Variants in FARSA observed in about 807,000 individuals in gnomAD.
FARSA encodes phenylalanine--tRNA ligase alpha subunit.
In FARSA, 37 loss-of-function variants were observed where a neutral mutation model predicts 63.2. The ratio of observed to expected loss-of-function variants is 0.59; its 90% CI spans 0.45 to 0.77. FARSA has a LOEUF of 0.77. Among genes scored for constraint, FARSA ranks in the 30% least tolerant of loss-of-function variants. FARSA has a pLI of 0.00. For synonymous variants in FARSA, 312 were observed against 285.1 expected (o/e 1.09, Z -0.95); for missense variants, 618 against 696.6 (o/e 0.89, Z 1.27).
Position 12,924,708 on chromosome 19 carries a change from C to G in FARSA, c.1126G>C (p.Val376Leu), listed in dbSNP as rs140193183. The G allele has an allele frequency of 6.3e-7, 1 of 1,595,298 alleles. No individual in the cohort carries two copies. The highest frequency in any genetic ancestry group is 8.6e-7 in the Non-Finnish European group (1 of 1,167,820). The part of the protein sequence containing the change: ...HLAEFHQIEG[V>L]VADHGLTLGH... Reference sequence around the variant, plus strand: ...AAGGTGAGACCATGATCCGCCACCACGCCCTCGATCTGGTGGAACTCAGCC... The same window carrying G: ...AAGGTGAGACCATGATCCGCCACCAGGCCCTCGATCTGGTGGAACTCAGCC... The change falls in exon 10 of 13, where the codon GTG becomes CTG. Residue 376 changes from valine to leucine, a missense_variant. Transcript: ENST00000314606. This position sits in a 1 kb window ranked among gnomAD's most constrained non-coding sequence, Gnocchi z 6.4.
At chr19:12,929,184 A>G (rs1338140946) in intron 4 of FARSA, among the ~76,000 whole-genome samples, 1 of 152,094 alleles carries the variant, frequency 6.6e-6, no homozygotes, top group African/African-American at 2.4e-5. Context: ...CCCCGGAAAG[A>G]GGGCAGTTTT....
chr19:12,924,745 G>T lies in FARSA; in HGVS notation c.1089C>A (p.Asp363Glu), dbSNP rs147769605. The T allele has an allele frequency of 1.2e-6, 2 of 1,601,314 alleles. No individual in the cohort carries two copies. The highest frequency in any genetic ancestry group is 1.7e-6 in the Non-Finnish European group (2 of 1,171,218). The change falls in exon 10 of 13, where the codon GAC (aspartate) becomes GAA (glutamate). Residue 363 changes from aspartate to glutamate, a missense_variant. Transcript: ENST00000314606. This position sits in a 1 kb window ranked among gnomAD's most constrained non-coding sequence, Gnocchi z 6.4. ...GGTGGAACTCAGCCAGGTGCGTGGC[G>T]TCCAGGGTCTCATTCCGGAATACGC... ...IDRVFRNETL[D>E]ATHLAEFHQI...
intron 7 of FARSA, among the ~76,000 whole-genome samples, chr19:12,927,588 C>T (rs993842235): frequency 1.6e-4 from 24 of 151,124 alleles, no homozygotes; most frequent in Admixed American, 4.0e-4. Context: ...AAAAATTAGC[C>T]GAGCGTGGTG....
chr19:12,922,575 A>T lies in FARSA; in HGVS notation c.*173T>A. On this transcript the variant is annotated 3_prime_UTR_variant, in exon 13 of 13. Transcript: ENST00000314606. ...ACACACCACACAGGACAACAGAAGG[A>T]ACCTGCTACCCAGTCCTCTGTCCCT... 1 of 759,368 alleles carries T rather than the reference A, an allele frequency of 1.3e-6. No homozygotes were observed. The highest frequency in any genetic ancestry group is 2.1e-6 in the Non-Finnish European group (1 of 480,212). The allele number at this position is 759,368 out of a possible 1,614,324, so 47.0% of individuals were successfully genotyped here. A position where few individuals can be genotyped will look rare whatever the true frequency, so the allele number is the denominator to read the frequency against.
chr19:12,925,877 T>C (rs1219571358), intron 7 of FARSA, among the ~76,000 whole-genome samples: 1 of 152,186 alleles, frequency 6.6e-6, no homozygotes, highest in Non-Finnish European at 1.5e-5. Flanking sequence ...TTCACCATGT[T>C]GGCCAGGCTG....
Position 12,927,776 on chromosome 19 carries a change from C to T in FARSA, c.841+566G>A, listed in dbSNP as rs1971343645. Among the ~76,000 whole-genome samples, 3 of 142,594 alleles carry T rather than the reference C, an allele frequency of 2.1e-5. No individual in the cohort carries two copies. The South Asian group carries it at 6.6e-4, about 32-fold the overall frequency. 93.5% of individuals were successfully genotyped at this position (142,594 alleles called of 152,430 possible). On this transcript the variant is annotated intron_variant, in intron 7 of 12. Transcript: ENST00000314606. ...AAAAAGCCAGGTGCGGTGGCTCACGCCTGTAATCCCAGCACTTTGGGAGGC... is the reference window on the plus strand; with the variant it reads ...AAAAAGCCAGGTGCGGTGGCTCACGTCTGTAATCCCAGCACTTTGGGAGGC...
intron 7 of FARSA, among the ~76,000 whole-genome samples, chr19:12,927,084 T>C (rs1289507392): frequency 2.0e-5 from 3 of 152,002 alleles, no homozygotes; most frequent in East Asian, 1.9e-4. Context: ...CTAAGGGCAA[T>C]GAAAGAAAGA....
chr19:12,924,467 C>T lies in FARSA; in HGVS notation c.1255G>A (p.Val419Met). 1 of 1,613,468 alleles carries T rather than the reference C, an allele frequency of 6.2e-7. No homozygotes were observed. Residue 419 changes from valine to methionine, a missense_variant, in exon 11 of 13, where the codon GTG becomes ATG. Physicochemically the swap from Val to Met is conservative, Grantham distance 21. Coordinates refer to ENST00000314606, the MANE Select transcript of FARSA (RefSeq NM_004461.3). This position sits in a 1 kb window ranked among gnomAD's most constrained non-coding sequence, Gnocchi z 6.4. ...YNPYTEPSME[V>M]FSYHQGLKKW... The stretch of plus-strand genomic sequence containing the variant: ...CCCTGACCTTGGTGGTAGCTGAACA[C>T]CTCCATGCTGGGCTCTGTGTATGGG...
Position 12,922,648 on chromosome 19 carries a change from C to T in FARSA, c.*100G>A, listed in dbSNP as rs755048855. 11 of 1,471,470 alleles carry T rather than the reference C, an allele frequency of 7.5e-6. No homozygotes were observed. The South Asian group carries it at 1.3e-4, about 18-fold the overall frequency. 91.2% of individuals were successfully genotyped at this position (1,471,470 alleles called of 1,614,324 possible). On this transcript the variant is annotated 3_prime_UTR_variant, in exon 13 of 13. Transcript: ENST00000314606. The stretch of plus-strand genomic sequence containing the variant: ...TGGGAAAGAGGAAGGTGGGGGCTGG[C>T]CTCACAGAGGCCTCATAAATACAAG...
chr19:12,922,934 C>T, intron 12 of FARSA, 48 bp from the exon 13 acceptor site: 1 of 1,611,948 alleles, frequency 6.2e-7, no homozygotes, highest in Non-Finnish European at 8.5e-7. Flanking sequence ...CACGTGCACC[C>T]TTCTGCTCAG....
Position 12,933,563 on chromosome 19 carries a change from T to G in FARSA, c.134A>C (p.Gln45Pro). The G allele has an allele frequency of 6.5e-7, 1 of 1,545,780 alleles. No homozygotes were observed. Among genetic ancestry groups the G allele is most frequent in the Non-Finnish European group, 8.7e-7 (1 of 1,150,450 alleles). Reference protein sequence around the residue: ...QAVVGAVKSLQALGEVIEAEL... With the variant: ...QAVVGAVKSLPALGEVIEAEL... ...GGCCCGGCTCACCTCGCCCAGCGCC[T>G]GAAGGCTCTTCACGGCGCCCACCAC... is the stretch of plus-strand genomic sequence containing the variant. The change falls in exon 1 of 13, where the codon CAG becomes CCG. Residue 45 changes from glutamine to proline, a missense_variant. Physicochemically the swap from Gln to Pro is moderately conservative, Grantham distance 76. Coordinates refer to ENST00000314606, the MANE Select transcript of FARSA (RefSeq NM_004461.3).
At chr19:12,932,061 C>T (rs150138546) in intron 1 of FARSA, among the ~76,000 whole-genome samples, 1,901 of 128,378 alleles carry the variant, frequency 0.015, 23 homozygotes, top group Middle Eastern at 0.036. Context: ...TTTTTTGAGA[C>T]GGAGTCTCGC....
chr19:12,933,630 TGTC>T lies in FARSA; in HGVS notation c.64_66del (p.Asp22del). ...CCCAGCTCAGCCGCCAACTCGGCGC[TGTC>T]CAGGCCGCCATCAGACGCCTCCAGC... On this transcript the variant is annotated inframe_deletion, in exon 1 of 13. Transcript: ENST00000314606. 6.4e-7 allele frequency: 1 copy of T among 1,560,664 alleles called. No individual in the cohort carries two copies. The highest frequency in any genetic ancestry group is 8.6e-7 in the Non-Finnish European group (1 of 1,156,824).
rs759917013 is a variant in FARSA, at chr19:12,922,936, T to C, written c.1389-50A>G. The C allele has an allele frequency of 3.5e-5, 57 of 1,611,628 alleles. No homozygotes were observed. In the Middle Eastern group the frequency reaches 6.6e-4, roughly 19 times the overall value. ...ATCATGAGGTCAGCACGTGCACCCT[T>C]CTGCTCAGATTTCCATGGCTCCCAT... On this transcript the variant is annotated intron_variant, in intron 12 of 12. Coordinates refer to ENST00000314606, the MANE Select transcript of FARSA (RefSeq NM_004461.3).
Position 12,924,221 on chromosome 19 carries a change from G to A in FARSA, c.1318C>T (p.Pro440Ser). ...AGCCCCATGGGCAGCAGCATCTCTG[G>A]ACGGAAGACCCCCGAGTTTCCGACC... is the stretch of plus-strand genomic sequence containing the variant. ...VEVGNSGVFR[P>S]EMLLPMGLPE... The change falls in exon 12 of 13, where the codon CCA becomes TCA. Residue 440 changes from proline to serine, a missense_variant. Pro to Ser is a moderately conservative substitution (Grantham distance 74). Coordinates refer to ENST00000314606, the MANE Select transcript of FARSA (RefSeq NM_004461.3). The surrounding 1 kb of genome is among the most constrained non-coding windows in gnomAD (Gnocchi z 6.4). 1 of 1,614,156 alleles carries A rather than the reference G, an allele frequency of 6.2e-7. No individual in the cohort carries two copies. The highest frequency in any genetic ancestry group is 8.5e-7 in the Non-Finnish European group (1 of 1,180,048).
rs1971299326 is a variant in FARSA at position 12,924,263 on chromosome 19, G to A, written c.1276C>T (p.Leu426=). The change falls in exon 12 of 13, where the codon CTG becomes TTG. Residue 426 remains leucine (L), a splice_region_variant and synonymous_variant. Transcript: ENST00000314606. This position sits in a 1 kb window ranked among gnomAD's most constrained non-coding sequence, Gnocchi z 6.4. Reference sequence around the variant, plus strand: ...TTTCCGACCTCCACCCACTTCTTCAGGCCTGCAGAGGCAGGACAGAAAAGA... The same window carrying A: ...TTTCCGACCTCCACCCACTTCTTCAAGCCTGCAGAGGCAGGACAGAAAAGA... ...SMEVFSYHQG[L]KKWVEVGNSG... is the part of the protein sequence containing the mutation. 2 of 1,613,544 alleles carry A rather than the reference G, an allele frequency of 1.2e-6. No homozygotes were observed. The highest frequency in any genetic ancestry group is 4.5e-5 in the East Asian group (2 of 44,870).
At chr19:12,931,029 C>A (rs572414423) in intron 1 of FARSA, among the ~76,000 whole-genome samples, 2 of 152,166 alleles carry the variant, frequency 1.3e-5, no homozygotes, top group African/African-American at 2.4e-5. Context: ...CAAATTCTGT[C>A]GGTTTTGAAC....
rs1268635145 is a variant in FARSA at position 12,924,477 on chromosome 19, G to A, written c.1245C>T (p.Pro415=). ...FKPAYNPYTE[P]SMEVFSYHQG... is the part of the protein sequence containing the mutation. ...GGTGGTAGCTGAACACCTCCATGCT[G>A]GGCTCTGTGTATGGGTTGTAGGCTG... is the stretch of plus-strand genomic sequence containing the variant. The change falls in exon 11 of 13, where the codon CCC becomes CCT. Residue 415 remains proline (P), a synonymous_variant. Coordinates refer to ENST00000314606, the MANE Select transcript of FARSA (RefSeq NM_004461.3). This position sits in a 1 kb window ranked among gnomAD's most constrained non-coding sequence, Gnocchi z 6.4. 1 of 1,613,398 alleles carries A rather than the reference G, an allele frequency of 6.2e-7. No homozygotes were observed. Among genetic ancestry groups the A allele is most frequent in the Non-Finnish European group, 8.5e-7 (1 of 1,180,026 alleles).
chr19:12,925,111 T>C lies in FARSA; in HGVS notation c.905A>G (p.Gln302Arg), dbSNP rs947824176. ...TCACCCCTGTGAGCCGTAGCCGCCC[T>C]GAGAGTGGGTCCGCTTGACCCGCTG... ...YVQRVKRTHS[Q>R]GGYGSQGYKY... Residue 302 changes from glutamine (Q) to arginine (R), a missense_variant, in exon 8 of 13, where the codon CAG becomes CGG. Transcript: ENST00000314606. 10 of 1,611,242 alleles carry C rather than the reference T, an allele frequency of 6.2e-6. No homozygotes were observed. The highest frequency in any genetic ancestry group is 2.2e-5 in the South Asian group (2 of 90,702).
Sources: allele counts gnomAD v4.1 joint callset (sites outside exome capture counted in the v4.1 genomes callset), GRCh38; gene constraint gnomAD v4.1.1; non-coding constraint Gnocchi (gnomAD v3.1); transcripts MANE v1.5; gene names NCBI Gene and HGNC (gene_info 2026-07-23, HGNC 2026-07-21).